RBFOX1: variants seen among roughly 807,000 people sequenced by gnomAD.
RBFOX1 encodes RNA binding protein fox-1 homolog 1.
A neutral mutation model predicts 57.7 loss-of-function variants in RBFOX1; 8 were observed. The observed-to-expected ratio is 0.14, with a 90% CI of 0.08 to 0.25. RBFOX1 has a LOEUF of 0.25. Ranked by LOEUF, RBFOX1 falls within the 10% of genes least tolerant of loss-of-function variation. The pLI, the probability that RBFOX1 is intolerant of heterozygous loss-of-function variation, is 1.00. For missense variants in RBFOX1, 611 were observed against 548.5 expected, an observed-to-expected ratio of 1.11 and a Z score of -1.14; for synonymous variants, 326 against 222.4, an observed-to-expected ratio of 1.47 and a Z score of -4.15.
At chr16:6,553,107 C>G (rs1291260215) in intron 2 of RBFOX1, among the ~76,000 whole-genome samples, 1 of 152,130 alleles carries the variant, frequency 6.6e-6, no homozygotes, top group African/African-American at 2.4e-5. Flanking sequence ...GGAAACGTCC[C>G]TAGGTAACAG....
intron 4 of RBFOX1, among the ~76,000 whole-genome samples, chr16:7,412,866 C>G (rs1339815782): frequency 6.6e-6 from 1 of 152,188 alleles, no homozygotes; most frequent in African/African-American, 2.4e-5. Context: ...CACGGTGAAA[C>G]CCCGTCTCTA....
At chr16:7,111,114 T>C (rs528524097) in intron 4 of RBFOX1, among the ~76,000 whole-genome samples, 2 of 152,206 alleles carry the variant, frequency 1.3e-5, no homozygotes, top group Non-Finnish European at 2.9e-5. Context: ...ATGTGGCCAA[T>C]CTCATTTTCC....
intron 10 of RBFOX1, among the ~76,000 whole-genome samples, chr16:7,628,294 G>C (rs6501003): frequency 0.36 from 54,164 of 151,922 alleles, 12,076 homozygotes; most frequent in African/African-American, 0.64. Context: ...GGATCCTATC[G>C]TAGATGATTC....
intron 1 of RBFOX1, among the ~76,000 whole-genome samples, chr16:5,251,585 A>G (rs1463309977): frequency 6.6e-6 from 1 of 152,206 alleles, no homozygotes; most frequent in African/African-American, 2.4e-5. Context: ...GACATAACAT[A>G]CTATCTAATT....
intron 5 of RBFOX1, among the ~76,000 whole-genome samples, chr16:7,565,988 A>G (rs949377599): frequency 2.0e-5 from 3 of 152,118 alleles, no homozygotes; most frequent in African/African-American, 7.2e-5. Flanking sequence ...TCCTGGAATG[A>G]TTCAGGAAAG....
chr16:7,077,816 G>C (rs2058540471), intron 4 of RBFOX1, among the ~76,000 whole-genome samples: 1 of 152,146 alleles, frequency 6.6e-6, no homozygotes, highest in Non-Finnish European at 1.5e-5. Context: ...AACAAAATGT[G>C]CTTCTGAGAT....
intron 1 of RBFOX1, among the ~76,000 whole-genome samples, chr16:6,069,936 G>C (rs1011621679): frequency 6.6e-6 from 1 of 152,104 alleles, no homozygotes; most frequent in Non-Finnish European, 1.5e-5. Context: ...GCAGTGAGCC[G>C]AGATCCAACC....
chr16:7,618,768 G>C (rs1665422772), intron 10 of RBFOX1, among the ~76,000 whole-genome samples: 1 of 152,082 alleles, frequency 6.6e-6, no homozygotes, highest in Non-Finnish European at 1.5e-5. Context: ...GTTGTCTTTT[G>C]AAAATGTAGT....
At chr16:5,398,364 A>G (rs2066621499) in intron 1 of RBFOX1, among the ~76,000 whole-genome samples, 1 of 151,034 alleles carries the variant, frequency 6.6e-6, no homozygotes. Flanking sequence ...CACCTGTTTT[A>G]GTGTGCATGT....
intron 5 of RBFOX1, among the ~76,000 whole-genome samples, chr16:7,531,583 C>A (rs1043401108): frequency 2.0e-5 from 3 of 152,270 alleles, no homozygotes; most frequent in Admixed American, 1.3e-4. Context: ...CTGGGGTCTT[C>A]CATGAGCCAT....
intron 4 of RBFOX1, among the ~76,000 whole-genome samples, chr16:7,478,319 G>A (rs979814759): frequency 6.6e-6 from 1 of 152,176 alleles, no homozygotes; most frequent in African/African-American, 2.4e-5. Context: ...AGCTAAAAGG[G>A]ATAGCAAGAG....
At chr16:6,525,927 C>T (rs2096571639) in intron 2 of RBFOX1, among the ~76,000 whole-genome samples, 1 of 151,422 alleles carries the variant, frequency 6.6e-6, no homozygotes, top group African/African-American at 2.4e-5. Flanking sequence ...CTGCTACAAG[C>T]AGAGAAAAAA....
intron 1 of RBFOX1, among the ~76,000 whole-genome samples, chr16:6,115,047 G>A (rs1273329010): frequency 6.6e-6 from 1 of 152,144 alleles, no homozygotes; most frequent in Non-Finnish European, 1.5e-5. Context: ...TTGTTGTCAT[G>A]GAAAGGGGTA....
chr16:6,654,878 A>T (rs1008126342), intron 3 of RBFOX1, among the ~76,000 whole-genome samples: 13 of 120,936 alleles, frequency 1.1e-4, no homozygotes, highest in African/African-American at 3.6e-4. Flanking sequence ...TTTTACAAAA[A>T]ATGTGGTGCT....
intron 3 of RBFOX1, among the ~76,000 whole-genome samples, chr16:5,702,499 A>G (rs1018857910): frequency 6.6e-6 from 1 of 152,352 alleles, no homozygotes; most frequent in South Asian, 2.1e-4. Flanking sequence ...CCAGCGAGGA[A>G]ACTAAAGGAT....
chr16:6,886,901 A>C (rs1337126693), intron 3 of RBFOX1, among the ~76,000 whole-genome samples: 1 of 152,192 alleles, frequency 6.6e-6, no homozygotes, highest in African/African-American at 2.4e-5. Context: ...TAGGTCACTT[A>C]GCCAATGAGG....
At position 7,343,393 on chromosome 16, in the gene RBFOX1, G is replaced by A. The variant is rs913244163; in HGVS notation, c.28-174754G>A. ...CATCTGCATCAGAGTGACAGGGGGC[G>A]GGACCAGAGAGATGAGAATCTGACC... On this transcript the variant is annotated intron_variant, in intron 4 of 15. Coordinates refer to ENST00000550418, the MANE Select transcript of RBFOX1 (RefSeq NM_018723.4). 2.0e-4 allele frequency among the ~76,000 whole-genome samples: 31 copies of A among 152,120 alleles called. 1 individual carries two copies. The highest frequency in any genetic ancestry group is 6.8e-4 in the African/African-American group (28 of 41,432).
chr16:6,935,457 T>C (rs1229685063), intron 3 of RBFOX1, among the ~76,000 whole-genome samples: 1 of 152,214 alleles, frequency 6.6e-6, no homozygotes, highest in Non-Finnish European at 1.5e-5. Flanking sequence ...AATTTTCTTT[T>C]GCAATAATGA....
intron 3 of RBFOX1, among the ~76,000 whole-genome samples, chr16:7,041,381 G>A (rs2046136452): frequency 1.3e-5 from 2 of 152,020 alleles, no homozygotes; most frequent in Non-Finnish European, 2.9e-5. Flanking sequence ...TTTCCTATTT[G>A]GCTCTTAGGA....
Sources: allele counts gnomAD v4.1 joint callset (sites outside exome capture counted in the v4.1 genomes callset), GRCh38; gene constraint gnomAD v4.1.1; transcripts MANE v1.5; gene names NCBI Gene and HGNC (gene_info 2026-07-23, HGNC 2026-07-21).